The following RYR1 variants were observed in gnomAD, a reference collection of about 807,000 sequenced individuals.
RYR1 encodes the protein central core disease of muscle.
Under a neutral mutation model 583.5 loss-of-function variants are expected in RYR1, and 342 were observed. The ratio of observed to expected loss-of-function variants is 0.59; its 90% confidence interval spans 0.54 to 0.64. The LOEUF (loss-of-function observed/expected upper bound fraction) is 0.64. Ranked by LOEUF, RYR1 falls within the 30% of genes least tolerant of loss-of-function variation. The pLI is 0.00. For synonymous variants in RYR1, 2,791 were observed against 2,822.5 expected (o/e 0.99, Z 0.35); for missense variants, 6,032 against 6,917.2 (o/e 0.87, Z 4.54).
intron 20 of RYR1, among the ~76,000 whole-genome samples, chr19:38,461,279 T>A (rs1253814159): frequency 2.6e-5 from 4 of 152,008 alleles, no homozygotes; most frequent in East Asian, 1.9e-4. Context: ...TAGAAAAAAA[T>A]TTTTAATATT....
At chr19:38,548,133 T>C (rs1972511298) in intron 88 of RYR1, 100 bp from the exon 89 acceptor site, 3 of 1,317,714 alleles carry the variant, frequency 2.3e-6, no homozygotes, top group Admixed American at 1.9e-5. Flanking sequence ...CCAGGGACAC[T>C]CCAGCAGCGT....
intron 63 of RYR1, among the ~76,000 whole-genome samples, chr19:38,514,560 A>G (rs952425928): frequency 7.2e-5 from 11 of 152,008 alleles, no homozygotes; most frequent in Admixed American, 1.3e-4. Flanking sequence ...GATTACAGGC[A>G]TGAGCCTCTG....
intron 84 of RYR1, among the ~76,000 whole-genome samples, chr19:38,541,791 A>C (rs117966243): frequency 0.022 from 3,302 of 151,688 alleles, 92 homozygotes; most frequent in Admixed American, 0.07. Flanking sequence ...TATAAACTTC[A>C]CAAGGGCAGG....
Position 38,587,479 on chromosome 19 carries a change from C to T in RYR1, c.*59C>T. 7.9e-7 allele frequency: 1 copy of T among 1,265,474 alleles called. No individual in the cohort carries two copies. Among genetic ancestry groups the T allele is most frequent in the Non-Finnish European group, 1.2e-6 (1 of 864,374 alleles). 78.4% of individuals were successfully genotyped at this position (1,265,474 alleles called of 1,614,324 possible). A position where few individuals can be genotyped will look rare whatever the true frequency, so the allele number is the denominator to read the frequency against. On this transcript the variant is annotated 3_prime_UTR_variant, in exon 106 of 106. Transcript: ENST00000359596. The stretch of plus-strand genomic sequence containing the variant: ...AGTGCCTTATTCTCACAGCAAGCCC[C>T]TTAGTCCCCAAGCCCCTCCCCCTAA...
chr19:38,465,755 A>G (rs945347011), intron 23 of RYR1, among the ~76,000 whole-genome samples: 2 of 151,946 alleles, frequency 1.3e-5, no homozygotes, highest in African/African-American at 4.8e-5. Flanking sequence ...CAAGAGTGAA[A>G]CTCCGTATCA....
rs1971910520 is a variant in RYR1, at chr19:38,535,128, CCA to C, written c.11360-11_11360-10del. The stretch of plus-strand genomic sequence containing the variant: ...AACTGGGTGGACCATCTTTTTTCTC[CCA>C]CTCCCTCCAGGAGAGACAGGTGCCA... On this transcript the variant is annotated splice_polypyrimidine_tract_variant and intron_variant, in intron 79 of 105. Coordinates refer to ENST00000359596, the MANE Select transcript of RYR1 (RefSeq NM_000540.3). The C allele has an allele frequency of 5.6e-6, 9 of 1,612,580 alleles. No individual in the cohort carries two copies. The highest frequency in any genetic ancestry group is 7.6e-6 in the Non-Finnish European group (9 of 1,179,850).
intron 39 of RYR1, 103 bp downstream of exon 39, chr19:38,494,728 G>A: frequency 1.4e-6 from 2 of 1,447,174 alleles, no homozygotes; most frequent in Admixed American, 3.4e-5. Flanking sequence ...CCATCCTCTG[G>A]GTGATCTCAG....
At chr19:38,574,871 C>G (rs997596943) in intron 96 of RYR1, among the ~76,000 whole-genome samples, 1 of 151,780 alleles carries the variant, frequency 6.6e-6, no homozygotes, top group Non-Finnish European at 1.5e-5. Context: ...AACCCTGTCT[C>G]TACTAAAAAT....
At chr19:38,537,266 T>C (rs1311096945) in intron 83 of RYR1, 4 of 222,386 alleles carry the variant, frequency 1.8e-5, no homozygotes, top group Non-Finnish European at 3.6e-5. Flanking sequence ...GTGCCTGCTC[T>C]GGTTGGCCCA....
In RYR1 at chr19:38,455,706, C is replaced by T. The variant is rs377489549; in HGVS notation, c.1746C>T (p.Ile582=). Residue 582 remains isoleucine (I), a synonymous_variant, in exon 16 of 106, where the codon ATC becomes ATT. Transcript: ENST00000359596. Reference sequence around the variant, plus strand: ...TGAACATCATCCAGGAGAATCACATCAAGTCCATCATCTCCCTCCTGGACA... The same window carrying T: ...TGAACATCATCCAGGAGAATCACATTAAGTCCATCATCTCCCTCCTGGACA... ...EVLNIIQENH[I]KSIISLLDKH... is the part of the protein sequence containing the mutation. The T allele has an allele frequency of 8.1e-6, 13 of 1,613,642 alleles. No individual in the cohort carries two copies. The highest frequency in any genetic ancestry group is 1.7e-5 in the Admixed American group (1 of 59,988).
In RYR1 at chr19:38,543,720, G is replaced by T; in HGVS notation, c.11908-51G>T. ...GAGGGGGTCCCGCATCGTGATCCCTGATCCCTTCTCGGGGATTCCCTTCCC... is the reference window on the plus strand; with the variant it reads ...GAGGGGGTCCCGCATCGTGATCCCTTATCCCTTCTCGGGGATTCCCTTCCC... On this transcript the variant is annotated intron_variant, in intron 86 of 105. Coordinates refer to ENST00000359596, the MANE Select transcript of RYR1 (RefSeq NM_000540.3). The surrounding 1 kb of genome is among the most constrained non-coding windows in gnomAD (Gnocchi z 4.4). 5.6e-6 allele frequency: 9 copies of T among 1,611,418 alleles called. No individual in the cohort carries two copies. Among genetic ancestry groups the T allele is most frequent in the Non-Finnish European group, 7.6e-6 (9 of 1,179,948 alleles).
At chr19:38,585,863 G>C (rs1359843589) in intron 102 of RYR1, 75 bp from the exon 103 acceptor site, 3 of 1,561,756 alleles carry the variant, frequency 1.9e-6, no homozygotes, top group Non-Finnish European at 2.6e-6. Flanking sequence ...GCAAGCCCTG[G>C]AGGTAGGTAG....
Position 38,455,233 on chromosome 19 carries a change from A to T in RYR1, c.1441-2A>T. ...TGATGCCTCTTATTTTCCTCATCCT[A>T]GGGGATGCTCTCCATGGTCCTGAAT... is the stretch of plus-strand genomic sequence containing the variant. On this transcript the variant is annotated splice_acceptor_variant, in intron 13 of 105. Transcript: ENST00000359596. LOFTEE classifies it high-confidence loss of function. The T allele has an allele frequency of 6.2e-7, 1 of 1,614,028 alleles. No individual in the cohort carries two copies. The highest frequency in any genetic ancestry group is 8.5e-7 in the Non-Finnish European group (1 of 1,179,966).
At chr19:38,510,420 C>G (rs932931753) in intron 58 of RYR1, 78 bp from the exon 59 acceptor site, 3 of 1,455,428 alleles carry the variant, frequency 2.1e-6, no homozygotes, top group Admixed American at 1.7e-5. Context: ...CAACTCTGCT[C>G]CCAGCATCCT....
At chr19:38,535,630 T>G (rs1971931385) in intron 81 of RYR1, 2 of 608,272 alleles carry the variant, frequency 3.3e-6, no homozygotes, top group South Asian at 4.0e-5. Flanking sequence ...AACCAAAAAC[T>G]TGAGAATTTA....
chr19:38,565,150 G>C lies in RYR1; in HGVS notation c.12816G>C (p.Ala4272=). The C allele has an allele frequency of 6.6e-7, 1 of 1,516,798 alleles. No homozygotes were observed. Among genetic ancestry groups the C allele is most frequent in the African/African-American group, 1.4e-5 (1 of 72,058 alleles). The allele number at this position is 1,516,798 out of a possible 1,614,324, so 94.0% of individuals were successfully genotyped here. A position where few individuals can be genotyped will look rare whatever the true frequency, so the allele number is the denominator to read the frequency against. The change falls in exon 91 of 106, where the codon GCG becomes GCC. Residue 4272 remains alanine, a synonymous_variant. Coordinates refer to ENST00000359596, the MANE Select transcript of RYR1 (RefSeq NM_000540.3). This position sits in a 1 kb window ranked among gnomAD's most constrained non-coding sequence, Gnocchi z 4.7. ...GCGCGGGCGCGGCGGAGGCGGGCGCGGAAGGCGCGGAGGAGGGCGCGGCGG... is the reference window on the plus strand; with the variant it reads ...GCGCGGGCGCGGCGGAGGCGGGCGCCGAAGGCGCGGAGGAGGGCGCGGCGG... ...DEGAGAAEAG[A]EGAEEGAAGL...
chr19:38,517,343 C>G lies in RYR1; in HGVS notation c.9686-16C>G, dbSNP rs375434330. 76 of 1,610,976 alleles carry G rather than the reference C, an allele frequency of 4.7e-5. No homozygotes were observed. Among genetic ancestry groups the G allele is most frequent in the Admixed American group, 1.2e-4 (7 of 59,958 alleles). On this transcript the variant is annotated splice_polypyrimidine_tract_variant and intron_variant, in intron 65 of 105. Coordinates refer to ENST00000359596, the MANE Select transcript of RYR1 (RefSeq NM_000540.3). ...GTGATGGCTTGACATTCCCTGCCCC[C>G]GTCCCTGTACCCCAGTCCTGGGGCT...
Position 38,507,072 on chromosome 19 carries a change from G to A in RYR1, c.8816+120G>A, listed in dbSNP as rs537592599. The A allele has an allele frequency of 1.9e-5, 28 of 1,487,014 alleles. 1 individual carries two copies. In the Admixed American group the frequency reaches 5.7e-4, roughly 30 times the overall value. The allele number at this position is 1,487,014 out of a possible 1,614,324, so 92.1% of individuals were successfully genotyped here. ...GAACGGGGCCTGAGGAGCAAAGATG[G>A]AACCAGAGGGGAGGAGCTAAGGGAG... On this transcript the variant is annotated intron_variant, in intron 57 of 105. Transcript: ENST00000359596.
chr19:38,533,740 C>T (rs928590085), intron 78 of RYR1, among the ~76,000 whole-genome samples: 1 of 147,972 alleles, frequency 6.8e-6, no homozygotes. Context: ...TGCAGTGAGC[C>T]GAGATCACGC....
Sources: gnomAD v4.1 joint callset for allele counts (sites outside exome capture counted in the v4.1 genomes callset) on GRCh38, gnomAD v4.1.1 for gene constraint, Gnocchi (gnomAD v3.1) non-coding constraint, MANE v1.5 for transcripts, NCBI Gene and HGNC (gene_info 2026-07-23, HGNC 2026-07-21) for gene names.